Variants in CRHR2 observed in about 807,000 individuals in gnomAD.
CRHR2 encodes corticotropin-releasing hormone receptor 2.
In CRHR2, 53 loss-of-function variants were observed where a neutral mutation model predicts 57.9. The observed-to-expected ratio is 0.92, with a 90% CI of 0.73 to 1.15. The LOEUF is 1.15. CRHR2 is among the 50% of genes most tolerant of loss of function. The probability of loss-of-function intolerance (pLI) is 0.00; values close to 1 mark genes in which losing one functional copy is unlikely to be tolerated. For synonymous variants in CRHR2, 213 were observed against 220.9 expected (o/e 0.96, Z 0.32); for missense variants, 532 against 542.6 (o/e 0.98, Z 0.19).
At position 30,682,339 on chromosome 7, in the gene CRHR2, G is replaced by A; in HGVS notation, c.-59C>T. On this transcript the variant is annotated 5_prime_UTR_variant, in exon 1 of 12. Coordinates refer to ENST00000471646, the MANE Select transcript of CRHR2 (RefSeq NM_001883.5). The stretch of plus-strand genomic sequence containing the variant: ...GAGTGCGCGCCCGGCGTGACTGCGA[G>A]GGAGTGGACGCGAGAGTGAGCGGCC... 1.4e-6 allele frequency: 2 copies of A among 1,468,302 alleles called. No homozygotes were observed. Among genetic ancestry groups the A allele is most frequent in the South Asian group, 1.3e-5 (1 of 74,144 alleles). The allele number at this position is 1,468,302 out of a possible 1,614,324, so 91.0% of individuals were successfully genotyped here. A position where few individuals can be genotyped will look rare whatever the true frequency, so the allele number is the denominator to read the frequency against.
rs879100297 is a variant in CRHR2 at position 30,660,599 on chromosome 7, G to C, written c.805C>G (p.Gln269Glu). Residue 269 changes from glutamine to glutamate, a missense_variant, in exon 8 of 12, where the codon CAA (glutamine) becomes GAA (glutamate). Physicochemically the swap from Gln to Glu is conservative, Grantham distance 29. Transcript: ENST00000471646. ...EPGDLVDYIY[Q>E]GPIILVLLIN... ...AGGAGCACGAGAATGATGGGGCCTT[G>C]GTAGATGTAGTCCACCAGGTCGCCA... is the stretch of plus-strand genomic sequence containing the variant. 6.4e-7 allele frequency: 1 copy of C among 1,570,942 alleles called. No individual in the cohort carries two copies. The highest frequency in any genetic ancestry group is 1.2e-5 in the South Asian group (1 of 85,310).
At chr7:30,692,795 C>T (rs1485824524) in intron 1 of CRHR2, among the ~76,000 whole-genome samples, 1 of 152,164 alleles carries the variant, frequency 6.6e-6, no homozygotes, top group Non-Finnish European at 1.5e-5. Flanking sequence ...TGCAAATAAC[C>T]CCATTTCACA....
chr7:30,661,678 C>T (rs1784004433), intron 7 of CRHR2, among the ~76,000 whole-genome samples: 1 of 152,112 alleles, frequency 6.6e-6, no homozygotes, highest in Non-Finnish European at 1.5e-5. Flanking sequence ...GGCTGTGGCT[C>T]AGCATATTAC....
At chr7:30,688,913 C>T (rs1341201446) in intron 2 of CRHR2, 2 of 566,040 alleles carry the variant, frequency 3.5e-6, no homozygotes, top group Non-Finnish European at 6.7e-6. Flanking sequence ...CCTTCTTGGA[C>T]TCCTGAATGC....
chr7:30,692,709 C>T (rs1257292093), intron 1 of CRHR2, among the ~76,000 whole-genome samples: 1 of 152,190 alleles, frequency 6.6e-6, no homozygotes, highest in Non-Finnish European at 1.5e-5. Context: ...TCAGCACTTA[C>T]TCTAGTGCTA....
At chr7:30,655,903 G>T (rs1427335083) in intron 9 of CRHR2, 24 bp downstream of exon 9, 4 of 1,612,298 alleles carry the variant, frequency 2.5e-6, no homozygotes, top group Non-Finnish European at 1.7e-6. Context: ...CCCCATTGTG[G>T]GGTCAAGGGA....
In CRHR2 at chr7:30,665,908, G is replaced by C. The variant is rs528440302; in HGVS notation, c.316-269C>G. On this transcript the variant is annotated intron_variant, in intron 3 of 11. Transcript: ENST00000471646. This position sits in a 1 kb window ranked among gnomAD's most constrained non-coding sequence, Gnocchi z 4.5. ...TCTGTTGCCCAAGCTGGGGTCCAGT[G>C]GCTATTCACAGGTGTGATCACAGTG... Among the ~76,000 whole-genome samples the C allele has an allele frequency of 6.6e-6, 1 of 152,220 alleles. No homozygotes were observed. The highest frequency in any genetic ancestry group is 6.5e-5 in the Admixed American group (1 of 15,290).
At chr7:30,668,164 G>A (rs970105644) in intron 2 of CRHR2, among the ~76,000 whole-genome samples, 2 of 152,228 alleles carry the variant, frequency 1.3e-5, no homozygotes, top group African/African-American at 4.8e-5. Flanking sequence ...CAAAAGTGCA[G>A]GTTTTGTCAA....
chr7:30,663,208 T>C (rs917493626), intron 5 of CRHR2, among the ~76,000 whole-genome samples: 1 of 152,228 alleles, frequency 6.6e-6, no homozygotes, highest in Admixed American at 6.5e-5. Context: ...TGAGTCATTT[T>C]CAATCCATAG....
chr7:30,669,797 G>T (rs1047573436), intron 2 of CRHR2, among the ~76,000 whole-genome samples: 4 of 152,128 alleles, frequency 2.6e-5, no homozygotes, highest in Admixed American at 2.0e-4. Flanking sequence ...TTGACACCCA[G>T]GTCCCAGCCT....
At position 30,689,141 on chromosome 7, in the gene CRHR2, C is replaced by A. The variant is rs895052053; in HGVS notation, c.-167+50G>T. ...GGAAAGCCTCTTCCTCCCGCAGGGC[C>A]CACCCACATCTCCAGGGGCTGCTGC... On this transcript the variant is annotated intron_variant, in intron 2 of 13. Coordinates refer to the CRHR2 transcript ENST00000341843. The A allele has an allele frequency of 1.7e-5, 25 of 1,496,530 alleles. 1 individual carries two copies. The African/African-American group carries it at 3.2e-4, about 19-fold the overall frequency. 92.7% of individuals were successfully genotyped at this position (1,496,530 alleles called of 1,614,324 possible). A position where few individuals can be genotyped will look rare whatever the true frequency, so the allele number is the denominator to read the frequency against.
intron 2 of CRHR2, among the ~76,000 whole-genome samples, chr7:30,678,445 G>A (rs948649622): frequency 8.5e-5 from 13 of 152,204 alleles, no homozygotes; most frequent in Non-Finnish European, 1.9e-4. Flanking sequence ...AGACTCGTGT[G>A]CTTAACTTGG....
At chr7:30,666,327 C>G (rs965200605) in intron 3 of CRHR2, among the ~76,000 whole-genome samples, 6 of 152,210 alleles carry the variant, frequency 3.9e-5, no homozygotes, top group Non-Finnish European at 5.9e-5. Flanking sequence ...TTTAGAAATT[C>G]TATTCAAACT....
exon 1 of CRHR2, chr7:30,700,074 CA>C: frequency 7.5e-7 from 1 of 1,332,680 alleles, no homozygotes; most frequent in Non-Finnish European, 9.7e-7. Context: ...GCCTGCTGCC[CA>C]GCACGGTGGT....
At chr7:30,657,004 T>C (rs1416867840) in intron 8 of CRHR2, among the ~76,000 whole-genome samples, 2 of 152,076 alleles carry the variant, frequency 1.3e-5, no homozygotes, top group African/African-American at 4.8e-5. Flanking sequence ...TGGGGCTGTT[T>C]CCTGACAAAG....
At chr7:30,686,416 G>A, upstream of CRHR2, 1 of 1,534,342 alleles carries the variant, frequency 6.5e-7, no homozygotes. Context: ...GGAAAGCCCA[G>A]GTCCCTGTCT....
Position 30,682,159 on chromosome 7 carries a change from C to A in CRHR2, c.103+19G>T. On this transcript the variant is annotated intron_variant, in intron 1 of 11. Transcript: ENST00000471646. ...GAGAAGGAGCCCGCGCAGCCTCCGA[C>A]CGCTCGCCTCCCGCCTACCCTCGGG... 6.5e-7 allele frequency: 1 copy of A among 1,548,062 alleles called. No homozygotes were observed. Among genetic ancestry groups the A allele is most frequent in the Non-Finnish European group, 8.6e-7 (1 of 1,156,858 alleles).
chr7:30,677,807 C>G lies in CRHR2; in HGVS notation c.229+4108G>C, dbSNP rs559369011. Among the ~76,000 whole-genome samples, 29 of 152,244 alleles carry G rather than the reference C, an allele frequency of 1.9e-4. No homozygotes were observed. In the South Asian group the frequency reaches 2.7e-3, roughly 14 times the overall value. On this transcript the variant is annotated intron_variant, in intron 2 of 11. Transcript: ENST00000471646. ...CAGGTTGGCCAGGTGCAGTGGCTCACGCCTATACTCCCAGCACTTTGGGAG... is the reference window on the plus strand; with the variant it reads ...CAGGTTGGCCAGGTGCAGTGGCTCAGGCCTATACTCCCAGCACTTTGGGAG...
intron 2 of CRHR2, chr7:30,688,990 A>G (rs1170675173): frequency 1.5e-6 from 1 of 662,106 alleles, no homozygotes; most frequent in Non-Finnish European, 2.8e-6. Flanking sequence ...GCCCTTCATT[A>G]TCAGTGGCAA....
Sources: allele counts gnomAD v4.1 joint callset (sites outside exome capture counted in the v4.1 genomes callset), GRCh38; gene constraint gnomAD v4.1.1; non-coding constraint Gnocchi (gnomAD v3.1); transcripts MANE v1.5; gene names NCBI Gene and HGNC (gene_info 2026-07-23, HGNC 2026-07-21).